LMTK2: variants seen among roughly 807,000 people sequenced by gnomAD.
LMTK2 encodes serine/threonine-protein kinase LMTK2.
In LMTK2, 37 loss-of-function variants were observed where a neutral mutation model predicts 127.5. The observed-to-expected ratio is 0.29, with a 90% CI of 0.22 to 0.38. The LOEUF is 0.38. LMTK2 is among the 10% of genes least tolerant of loss of function. LMTK2 has a pLI of 1.00. For synonymous variants in LMTK2, 819 were observed against 810.1 expected (o/e 1.01, Z -0.19); for missense variants, 1,694 against 1,920.3 (o/e 0.88, Z 2.20).
intron 11 of LMTK2, among the ~76,000 whole-genome samples, chr7:98,198,197 C>CTT (rs145687801): frequency 7.9e-5 from 11 of 138,726 alleles, no homozygotes; most frequent in African/African-American, 7.9e-5. Context: ...TTCTTTTCTC[C>CTT]TTTTTTTTTT....
At chr7:98,205,362 C>T (rs1035173862) in intron 13 of LMTK2, 102 bp from the exon 14 acceptor site, 11 of 1,424,182 alleles carry the variant, frequency 7.7e-6, no homozygotes, top group Admixed American at 5.1e-5. Flanking sequence ...TCAAAACACC[C>T]GCTTCCGTTC....
At chr7:98,127,667 G>A (rs1796462389) in intron 1 of LMTK2, among the ~76,000 whole-genome samples, 2 of 152,174 alleles carry the variant, frequency 1.3e-5, no homozygotes, top group African/African-American at 4.8e-5. Context: ...TTAATGCATG[G>A]ACCAAGTATA....
At chr7:98,148,804 C>T (rs1261468083) in intron 3 of LMTK2, among the ~76,000 whole-genome samples, 1 of 152,186 alleles carries the variant, frequency 6.6e-6, no homozygotes, top group East Asian at 1.9e-4. Flanking sequence ...CTGACTTAGC[C>T]TTCACTTCCT....
rs61101093 is a variant in LMTK2 at position 98,115,587 on chromosome 7, G to T, written c.103+8307G>T. On this transcript the variant is annotated intron_variant, in intron 1 of 13. Coordinates refer to ENST00000297293, the MANE Select transcript of LMTK2 (RefSeq NM_014916.4). ...CACTTTGGGAGGCCGAGGCGGGCGG[G>T]TCACGAGGTCAAGAGATTGAGACCA... Among the ~76,000 whole-genome samples the T allele has an allele frequency of 9.4e-3, 1,428 of 151,868 alleles. 4 individuals are homozygous for T. The highest frequency in any genetic ancestry group is 0.015 in the Non-Finnish European group (1,007 of 67,922).
At chr7:98,116,456 G>T (rs1256855730) in intron 1 of LMTK2, among the ~76,000 whole-genome samples, 2 of 152,182 alleles carry the variant, frequency 1.3e-5, no homozygotes, top group East Asian at 3.9e-4. Flanking sequence ...CCGCGTGTGT[G>T]TGTGTGAAGG....
chr7:98,116,704 G>C (rs1038443266), intron 1 of LMTK2, among the ~76,000 whole-genome samples: 2 of 152,096 alleles, frequency 1.3e-5, no homozygotes, highest in African/African-American at 4.8e-5. Flanking sequence ...CACAACTAAG[G>C]AACAAGTATT....
chr7:98,182,074 A>G (rs1054409260), intron 7 of LMTK2, among the ~76,000 whole-genome samples: 2 of 152,242 alleles, frequency 1.3e-5, no homozygotes. Context: ...TTGAACCCTT[A>G]ACTAACACCA....
intron 6 of LMTK2, among the ~76,000 whole-genome samples, chr7:98,166,713 G>GT (rs1237609668): frequency 6.6e-6 from 1 of 152,150 alleles, no homozygotes; most frequent in African/African-American, 2.4e-5. Context: ...TGCTCTATAG[G>GT]TTTGAAGCCT....
At chr7:98,131,168 A>G (rs553685808) in intron 1 of LMTK2, among the ~76,000 whole-genome samples, 1 of 152,220 alleles carries the variant, frequency 6.6e-6, no homozygotes, top group African/African-American at 2.4e-5. Flanking sequence ...GATAAGGACT[A>G]CATTTAAAAA....
intron 5 of LMTK2, 102 bp downstream of exon 5, chr7:98,154,978 T>C (rs1796907293): frequency 1.4e-6 from 1 of 700,456 alleles, no homozygotes; most frequent in African/African-American, 1.8e-5. Context: ...CATACATGAT[T>C]AAGTAAGTTC....
chr7:98,154,920 C>G, intron 5 of LMTK2, 44 bp downstream of exon 5: 1 of 1,121,654 alleles, frequency 8.9e-7, no homozygotes, highest in Non-Finnish European at 1.4e-6. Flanking sequence ...AGTCTGTGGT[C>G]TGTTGAAGGT....
chr7:98,152,706 G>A (rs138194459), intron 4 of LMTK2, among the ~76,000 whole-genome samples: 28 of 152,276 alleles, frequency 1.8e-4, no homozygotes, highest in African/African-American at 6.5e-4. Context: ...AGACTGCCTT[G>A]CTCGGAATGA....
chr7:98,194,128 C>T lies in LMTK2; in HGVS notation c.3663C>T (p.Arg1221=). The T allele has an allele frequency of 6.2e-7, 1 of 1,614,138 alleles. No individual in the cohort carries two copies. The highest frequency in any genetic ancestry group is 8.5e-7 in the Non-Finnish European group (1 of 1,180,052). The change falls in exon 11 of 14, where the codon CGC becomes CGT. Residue 1221 remains arginine (R), a synonymous_variant. Transcript: ENST00000297293. This position sits in a 1 kb window ranked among gnomAD's most constrained non-coding sequence, Gnocchi z 5.4. ...SGDDFETQDD[R]PCTLASTGTN... Reference sequence around the variant, plus strand: ...ATGACTTCGAGACACAGGACGATCGCCCCTGCACCCTCGCTTCCACGGGGA... The same window carrying T: ...ATGACTTCGAGACACAGGACGATCGTCCCTGCACCCTCGCTTCCACGGGGA...
At chr7:98,120,496 T>C (rs1217800114) in intron 1 of LMTK2, among the ~76,000 whole-genome samples, 1 of 152,224 alleles carries the variant, frequency 6.6e-6, no homozygotes, top group Non-Finnish European at 1.5e-5. Flanking sequence ...AATTATAAAA[T>C]TTTGTAGTTG....
intron 4 of LMTK2, 74 bp downstream of exon 4, chr7:98,151,529 T>A: frequency 8.0e-7 from 1 of 1,257,412 alleles, no homozygotes; most frequent in South Asian, 1.3e-5. Flanking sequence ...TGAAGAATTG[T>A]GTTGTGTGGA....
chr7:98,196,617 C>T (rs1159362673), intron 11 of LMTK2, among the ~76,000 whole-genome samples: 1 of 152,138 alleles, frequency 6.6e-6, no homozygotes, highest in East Asian at 1.9e-4. Context: ...GGACGCAGTC[C>T]CAGTGGAAGC....
At chr7:98,164,880 G>A (rs1797071075) in intron 6 of LMTK2, among the ~76,000 whole-genome samples, 1 of 152,194 alleles carries the variant, frequency 6.6e-6, no homozygotes, top group African/African-American at 2.4e-5. Flanking sequence ...TCCATCACCT[G>A]GCCCCGGAGC....
At chr7:98,179,497 C>A (rs533260970) in intron 7 of LMTK2, among the ~76,000 whole-genome samples, 3 of 152,168 alleles carry the variant, frequency 2.0e-5, no homozygotes, top group Admixed American at 6.5e-5. Flanking sequence ...TCTCTGCAGT[C>A]GCAGCTGTTG....
intron 9 of LMTK2, 106 bp downstream of exon 9, chr7:98,187,104 C>G (rs1044032900): frequency 9.9e-7 from 1 of 1,010,050 alleles, no homozygotes; most frequent in African/African-American, 1.6e-5. Context: ...GATGTAGGAA[C>G]AAAAGAGTAT....
Sources: allele counts gnomAD v4.1 joint callset (sites outside exome capture counted in the v4.1 genomes callset), GRCh38; gene constraint gnomAD v4.1.1; non-coding constraint Gnocchi (gnomAD v3.1); transcripts MANE v1.5; gene names NCBI Gene and HGNC (gene_info 2026-07-23, HGNC 2026-07-21).